The following RRM1 variants were observed in gnomAD, a reference collection of about 807,000 sequenced individuals.
The protein encoded by RRM1 is ribonucleoside-diphosphate reductase large subunit.
A neutral mutation model predicts 101.5 loss-of-function variants in RRM1; 19 were observed. The observed-to-expected ratio is 0.19, with a 90% CI of 0.13 to 0.27. RRM1 has a LOEUF of 0.27. Ranked by LOEUF, RRM1 falls within the 10% of genes least tolerant of loss-of-function variation. The pLI, the probability that RRM1 is intolerant of heterozygous loss-of-function variation, is 1.00. For missense variants in RRM1, 500 were observed against 962.9 expected, an observed-to-expected ratio of 0.52 and a Z score of 6.36; for synonymous variants, 298 against 323.4, an observed-to-expected ratio of 0.92 and a Z score of 0.84.
At chr11:4,130,322 G>A (rs539614529) in intron 15 of RRM1, among the ~76,000 whole-genome samples, 6 of 151,900 alleles carry the variant, frequency 3.9e-5, no homozygotes, top group East Asian at 3.9e-4. Context: ...TGTTAATGGT[G>A]TGTATTTTTC....
In RRM1 at chr11:4,106,192, C is replaced by T; in HGVS notation, c.255C>T (p.Asn85=). 1 of 1,613,704 alleles carries T rather than the reference C, an allele frequency of 6.2e-7. No individual in the cohort carries two copies. The highest frequency in any genetic ancestry group is 8.5e-7 in the Non-Finnish European group (1 of 1,179,896). The change falls in exon 3 of 19, where the codon AAC becomes AAT. Residue 85 remains asparagine, a synonymous_variant. Transcript: ENST00000300738. ...AILAARIAVS[N]LHKETKKVFS... ...TGGCAGCCAGGATCGCTGTCTCTAACTTGCACAAAGAAACAAAGAAAGTGT... is the reference window on the plus strand; with the variant it reads ...TGGCAGCCAGGATCGCTGTCTCTAATTTGCACAAAGAAACAAAGAAAGTGT...
intron 5 of RRM1, among the ~76,000 whole-genome samples, chr11:4,109,907 A>G (rs1041835592): frequency 2.0e-5 from 3 of 152,206 alleles, no homozygotes; most frequent in Non-Finnish European, 2.9e-5. Context: ...AATTTTCCAC[A>G]TATTACTTCT....
intron 15 of RRM1, among the ~76,000 whole-genome samples, chr11:4,131,601 G>T (rs1160306228): frequency 1.3e-5 from 2 of 152,232 alleles, no homozygotes; most frequent in African/African-American, 4.8e-5. Context: ...GATGAGGAAA[G>T]ATGTTTTAAA....
intron 7 of RRM1, among the ~76,000 whole-genome samples, chr11:4,117,976 C>T (rs995824684): frequency 2.6e-5 from 4 of 152,078 alleles, no homozygotes; most frequent in Admixed American, 6.6e-5. Context: ...CCTGAAAAGA[C>T]GGTGATGTAT....
At chr11:4,130,066 T>TTATATATATATATATATATATATATA (rs746526097) in intron 15 of RRM1, among the ~76,000 whole-genome samples, 3 of 32,988 alleles carry the variant, frequency 9.1e-5, no homozygotes, top group African/African-American at 2.0e-4. Flanking sequence ...TGTACTGTAT[T>TTATATATATATATATATATATATATA]TATATATATA....
At chr11:4,100,025 C>A (rs1471830574) in intron 1 of RRM1, among the ~76,000 whole-genome samples, 1 of 152,182 alleles carries the variant, frequency 6.6e-6, no homozygotes, top group Non-Finnish European at 1.5e-5. Flanking sequence ...ATTGCTAGAG[C>A]ACTGAGGTTT....
intron 12 of RRM1, 68 bp from the exon 13 acceptor site, chr11:4,126,616 G>C: frequency 7.0e-7 from 1 of 1,427,940 alleles, no homozygotes; most frequent in Non-Finnish European, 9.6e-7. Context: ...GGCTCACATG[G>C]TGGTGTAATT....
At chr11:4,106,536 C>G (rs2094558514) in intron 3 of RRM1, among the ~76,000 whole-genome samples, 1 of 152,200 alleles carries the variant, frequency 6.6e-6, no homozygotes, top group African/African-American at 2.4e-5. Context: ...TCGCTGAGGT[C>G]AGGAGTTTGA....
chr11:4,114,471 A>G lies in RRM1; in HGVS notation c.650+2409A>G, dbSNP rs370317762. ...AGGCTGAGGCAGGAGAATTGCTTGAACCTGGAAGGCGGAGGTTGCAGTGAG... is the reference window on the plus strand; with the variant it reads ...AGGCTGAGGCAGGAGAATTGCTTGAGCCTGGAAGGCGGAGGTTGCAGTGAG... On this transcript the variant is annotated intron_variant, in intron 7 of 18. Coordinates refer to ENST00000300738, the MANE Select transcript of RRM1 (RefSeq NM_001033.5). Among the ~76,000 whole-genome samples the G allele has an allele frequency of 2.1e-4, 31 of 150,902 alleles. 1 individual carries two copies. The highest frequency in any genetic ancestry group is 1.5e-3 in the South Asian group (7 of 4,730).
intron 1 of RRM1, 46 bp downstream of exon 1, chr11:4,095,077 G>A (rs1300092323): frequency 7.1e-6 from 11 of 1,551,646 alleles, no homozygotes; most frequent in Non-Finnish European, 9.6e-6. Flanking sequence ...AGGGGATGCG[G>A]GCTGCCGCCG....
chr11:4,107,699 T>G, intron 4 of RRM1, 164 bp downstream of exon 4: 2 of 589,750 alleles, frequency 3.4e-6, no homozygotes, highest in South Asian at 2.1e-5. Context: ...CATTTTAAAA[T>G]GTATTTTTCC....
At chr11:4,102,531 G>T (rs11030942) in intron 2 of RRM1, among the ~76,000 whole-genome samples, 6,064 of 151,916 alleles carry the variant, frequency 0.04, 259 homozygotes, top group East Asian at 0.19. Context: ...GGTGGTGGGC[G>T]CCTGTAATCC....
At chr11:4,116,701 T>A (rs182269456) in intron 7 of RRM1, among the ~76,000 whole-genome samples, 1 of 152,300 alleles carries the variant, frequency 6.6e-6, no homozygotes, top group East Asian at 1.9e-4. Flanking sequence ...CCAGGTGCAG[T>A]GGCTTCTGCC....
intron 2 of RRM1, 105 bp downstream of exon 2, chr11:4,102,186 G>C: frequency 1.5e-6 from 1 of 673,478 alleles, no homozygotes; most frequent in Non-Finnish European, 2.6e-6. Flanking sequence ...TGGTATTCTG[G>C]CTATGCCCTT....
intron 12 of RRM1, among the ~76,000 whole-genome samples, chr11:4,125,115 A>C (rs1482158164): frequency 6.6e-6 from 1 of 151,864 alleles, no homozygotes; most frequent in African/African-American, 2.4e-5. Flanking sequence ...AGGTTTCACT[A>C]TGTTGGCCAG....
At chr11:4,131,552 G>A (rs1176387262) in intron 15 of RRM1, among the ~76,000 whole-genome samples, 1 of 152,190 alleles carries the variant, frequency 6.6e-6, no homozygotes, top group East Asian at 1.9e-4. Flanking sequence ...TGTTTGCAGA[G>A]TAGATATTTG....
chr11:4,119,075 A>G (rs2094577961), intron 8 of RRM1: 1 of 152,320 alleles, frequency 6.6e-6, no homozygotes, highest in Admixed American at 6.5e-5. Flanking sequence ...TCCTAGCTCC[A>G]CTACTTAACT....
At chr11:4,136,000 A>T (rs1407344933) in intron 18 of RRM1, among the ~76,000 whole-genome samples, 2 of 151,786 alleles carry the variant, frequency 1.3e-5, no homozygotes, top group Admixed American at 1.3e-4. Context: ...CCTAAGGCAG[A>T]CATATTGTCT....
At chr11:4,101,557 A>ACCCCCCCC (rs200112921) in intron 1 of RRM1, among the ~76,000 whole-genome samples, 5 of 43,644 alleles carry the variant, frequency 1.1e-4, no homozygotes, top group African/African-American at 1.4e-4. Context: ...CCAGTGATCC[A>ACCCCCCCC]CACCCCCCCC....
Sources: allele counts gnomAD v4.1 joint callset (sites outside exome capture counted in the v4.1 genomes callset), GRCh38; gene constraint gnomAD v4.1.1; transcripts MANE v1.5; gene names NCBI Gene and HGNC (gene_info 2026-07-23, HGNC 2026-07-21).